The following C1orf87 variants were observed in gnomAD, a reference collection of about 807,000 sequenced individuals.
C1orf87 encodes uncharacterized protein C1orf87.
Under a neutral mutation model 60.5 loss-of-function variants are expected in C1orf87, and 58 were observed. That is an observed-to-expected ratio of 0.96 (90% CI 0.78 to 1.19). C1orf87 has a LOEUF of 1.19. C1orf87 is among the 50% of genes most tolerant of loss of function. C1orf87 has a pLI of 0.00. For missense variants in C1orf87, 673 were observed against 638.6 expected, an observed-to-expected ratio of 1.05 and a Z score of -0.58; for synonymous variants, 236 against 227.4, an observed-to-expected ratio of 1.04 and a Z score of -0.34.
In C1orf87 at chr1:60,025,447, C is replaced by T. The variant is rs1487438003; in HGVS notation, c.1081G>A (p.Glu361Lys). ...AAATCTTGATGGTTAAGCAATGTTT[C>T]CAGCAGGCTCAGGGTCAGATATAAT... is the stretch of plus-strand genomic sequence containing the variant. ...HGLYLTLSLL[E>K]TLLNHQDLGY... is the part of the protein sequence containing the mutation. The change falls in exon 8 of 12, where the codon GAA (glutamate) becomes AAA (lysine). Residue 361 changes from glutamate to lysine, a missense_variant. By Grantham distance (56) the Glu-to-Lys change is moderately conservative. Coordinates refer to ENST00000371201, the MANE Select transcript of C1orf87 (RefSeq NM_152377.3). 4 of 1,613,252 alleles carry T rather than the reference C, an allele frequency of 2.5e-6. No homozygotes were observed. The highest frequency in any genetic ancestry group is 3.4e-6 in the Non-Finnish European group (4 of 1,179,554).
intron 6 of C1orf87, among the ~76,000 whole-genome samples, chr1:60,034,110 G>T (rs1645258486): frequency 6.6e-6 from 1 of 152,132 alleles, no homozygotes; most frequent in Admixed American, 6.5e-5. Context: ...CTAGTTCCCT[G>T]GGAGGAAATC....
intron 8 of C1orf87, among the ~76,000 whole-genome samples, chr1:60,015,076 T>C (rs1334305242): frequency 2.0e-5 from 3 of 152,142 alleles, no homozygotes; most frequent in Admixed American, 2.0e-4. Flanking sequence ...AGGGACTATA[T>C]TAGTTTGCTG....
In C1orf87 at chr1:59,990,683, T is replaced by C. The variant is rs1264963991; in HGVS notation, c.1631A>G (p.Lys544Arg). The part of the protein sequence containing the change: ...MLLEPALRYL[K>R]EL ...AATATGGGCTTGTTATCATAGCTCC[T>C]TTAAGTACCGCAGTGCTGGCTCCAA... is the stretch of plus-strand genomic sequence containing the variant. Residue 544 changes from lysine to arginine, a missense_variant, in exon 12 of 12, where the codon AAG (lysine) becomes AGG (arginine). By Grantham distance (26) the Lys-to-Arg change is conservative. Coordinates refer to ENST00000371201, the MANE Select transcript of C1orf87 (RefSeq NM_152377.3). 2.5e-6 allele frequency: 4 copies of C among 1,613,806 alleles called. No individual in the cohort carries two copies. The highest frequency in any genetic ancestry group is 1.3e-5 in the African/African-American group (1 of 74,912).
At chr1:60,038,419 C>T (rs75576388) in intron 5 of C1orf87, among the ~76,000 whole-genome samples, 2,013 of 152,156 alleles carry the variant, frequency 0.013, 28 homozygotes, top group Admixed American at 0.051. Flanking sequence ...TCTTTTTCCC[C>T]TTCTGCTATC....
rs559411306 is a variant in C1orf87, at chr1:60,002,981, G to A, written c.1193-1825C>T. Among the ~76,000 whole-genome samples the A allele has an allele frequency of 5.2e-4, 79 of 150,640 alleles. No individual in the cohort carries two copies. In the South Asian group the frequency reaches 0.016, roughly 30 times the overall value. The stretch of plus-strand genomic sequence containing the variant: ...CCATCCCATTACTGGGTATATACCC[G>A]AAGGACTATGAATCATGCTGCTATA... On this transcript the variant is annotated intron_variant, in intron 9 of 11. Coordinates refer to ENST00000371201, the MANE Select transcript of C1orf87 (RefSeq NM_152377.3).
At chr1:59,996,818 C>T (rs574444101) in intron 11 of C1orf87, among the ~76,000 whole-genome samples, 31 of 152,238 alleles carry the variant, frequency 2.0e-4, no homozygotes, top group African/African-American at 6.0e-4. Context: ...TGGTTATTTA[C>T]GCACACTGGC....
rs1470049187 is a variant in C1orf87, at chr1:59,990,832, T to C, written c.1482A>G (p.Gly494=). 1.2e-6 allele frequency: 2 copies of C among 1,613,814 alleles called. No homozygotes were observed. Among genetic ancestry groups the C allele is most frequent in the Non-Finnish European group, 1.7e-6 (2 of 1,179,800 alleles). Residue 494 remains glycine, a splice_region_variant and synonymous_variant, in exon 12 of 12, where the codon GGA becomes GGG. Coordinates refer to ENST00000371201, the MANE Select transcript of C1orf87 (RefSeq NM_152377.3). ...GTCTGGCTCGTTCCTTCTCCAGAACTCCTGTGATTGGATTGGGTAGGAGGA... is the reference window on the plus strand; with the variant it reads ...GTCTGGCTCGTTCCTTCTCCAGAACCCCTGTGATTGGATTGGGTAGGAGGA... The part of the protein sequence containing the change: ...ALYLCDLSNT[G]VLEKERARRL...
chr1:60,007,624 A>T (rs1645055785), intron 9 of C1orf87, among the ~76,000 whole-genome samples: 1 of 152,060 alleles, frequency 6.6e-6, no homozygotes, highest in East Asian at 1.9e-4. Flanking sequence ...TTTGAATTCC[A>T]AGTAAGAGTC....
rs528888712 is a variant in C1orf87, at chr1:59,997,260, T to G, written c.1480+349A>C. ...ATAGTAGGAGAAGAGATTGGCCAGG[T>G]GGATAGGGACCAGATTTTGCCTTGC... On this transcript the variant is annotated intron_variant, in intron 11 of 11. Transcript: ENST00000371201. Among the ~76,000 whole-genome samples, 2 of 152,236 alleles carry G rather than the reference T, an allele frequency of 1.3e-5. 1 individual carries two copies. Among genetic ancestry groups the G allele is most frequent in the South Asian group, 4.2e-4 (2 of 4,818 alleles).
rs1463661345 is a variant in C1orf87, at chr1:60,026,811, TCAC to T, written c.1030-1316_1030-1314del. ...CTGAAACTTTTTGAGTGCTGACAGG[TCAC>T]CACAAGTGCAGAATTCTACACATTT... On this transcript the variant is annotated intron_variant, in intron 7 of 11. Coordinates refer to ENST00000371201, the MANE Select transcript of C1orf87 (RefSeq NM_152377.3). Among the ~76,000 whole-genome samples the T allele has an allele frequency of 2.6e-5, 4 of 152,310 alleles. No homozygotes were observed. The East Asian group carries it at 7.7e-4, about 29-fold the overall frequency.
intron 8 of C1orf87, among the ~76,000 whole-genome samples, chr1:60,019,184 G>A (rs538410867): frequency 6.6e-6 from 1 of 152,300 alleles, no homozygotes; most frequent in East Asian, 1.9e-4. Context: ...CATGGGGGCA[G>A]ATTTCCCTCA....
At chr1:60,063,442 G>T (rs762765584) in intron 2 of C1orf87, among the ~76,000 whole-genome samples, 1 of 152,082 alleles carries the variant, frequency 6.6e-6, no homozygotes, top group Non-Finnish European at 1.5e-5. Flanking sequence ...GCAGCCTTTA[G>T]AAAACATAAA....
chr1:60,066,677 A>G (rs1315346976), intron 2 of C1orf87, among the ~76,000 whole-genome samples: 1 of 150,260 alleles, frequency 6.7e-6, no homozygotes, highest in Non-Finnish European at 1.5e-5. Context: ...TGAATCACAA[A>G]TGTTCTTTTT....
At chr1:60,046,299 TCTCC>T (rs1191141971) in intron 3 of C1orf87, among the ~76,000 whole-genome samples, 2 of 135,804 alleles carry the variant, frequency 1.5e-5, no homozygotes, top group African/African-American at 2.7e-5. Context: ...TCTCTCTCTC[TCTCC>T]CTCCCTCCCC....
intron 2 of C1orf87, among the ~76,000 whole-genome samples, chr1:60,068,676 G>T (rs867507385): frequency 1.4e-4 from 21 of 152,264 alleles, no homozygotes; most frequent in Admixed American, 3.9e-4. Context: ...TGATGAGAAT[G>T]GAACAGTTTG....
intron 7 of C1orf87, among the ~76,000 whole-genome samples, chr1:60,031,021 A>AT (rs916573549): frequency 3.3e-5 from 5 of 150,930 alleles, no homozygotes; most frequent in South Asian, 2.1e-4. Context: ...GTGCTTTTAA[A>AT]TTTTTTTTTT....
At chr1:60,000,447 G>A (rs1456077654) in intron 10 of C1orf87, among the ~76,000 whole-genome samples, 4 of 152,058 alleles carry the variant, frequency 2.6e-5, no homozygotes, top group Non-Finnish European at 4.4e-5. Context: ...ATATTTCAAC[G>A]TGTGAAGTGC....
chr1:59,992,217 T>C (rs906759271), intron 11 of C1orf87, among the ~76,000 whole-genome samples: 2 of 147,010 alleles, frequency 1.4e-5, no homozygotes, highest in African/African-American at 5.1e-5. Flanking sequence ...TTGCTTCAAG[T>C]AGGGGTCTAT....
At chr1:60,029,269 C>T (rs902823617) in intron 7 of C1orf87, among the ~76,000 whole-genome samples, 5 of 152,182 alleles carry the variant, frequency 3.3e-5, no homozygotes, top group African/African-American at 1.2e-4. Context: ...CCTCCTGTTA[C>T]TGCCTTGGCT....
Sources: gnomAD v4.1 joint callset for allele counts (sites outside exome capture counted in the v4.1 genomes callset) on GRCh38, gnomAD v4.1.1 for gene constraint, MANE v1.5 for transcripts, NCBI Gene and HGNC (gene_info 2026-07-23, HGNC 2026-07-21) for gene names.